The following ADHFE1 variants were observed in gnomAD, a reference collection of about 807,000 sequenced individuals.
The protein encoded by ADHFE1 is hydroxyacid-oxoacid transhydrogenase, mitochondrial.
ADHFE1 carries 37 observed loss-of-function variants against 54.8 expected under a neutral mutation model. The observed-to-expected ratio is 0.68, with a 90% CI of 0.52 to 0.89. The LOEUF (loss-of-function observed/expected upper bound fraction) is 0.89, where lower values mean the gene tolerates loss of function less well. Among genes scored for constraint, ADHFE1 ranks in the 40% least tolerant of loss-of-function variants. ADHFE1 has a pLI of 0.00. For missense variants in ADHFE1, 601 were observed against 591.2 expected, an observed-to-expected ratio of 1.02 and a Z score of -0.17; for synonymous variants, 203 against 229.3, an observed-to-expected ratio of 0.89 and a Z score of 1.04.
In ADHFE1 at chr8:66,456,972, G is replaced by A. The variant is rs144017423; in HGVS notation, c.1065+77G>A. ...TCCATAAATATATTTGCCAATTCTC[G>A]CCTGCTTAGAGTATGGGGTAAAGTA... On this transcript the variant is annotated intron_variant, in intron 11 of 13. Transcript: ENST00000396623. 1.8e-4 allele frequency: 258 copies of A among 1,464,346 alleles called. 2 individuals carry two copies. The highest frequency in any genetic ancestry group is 1.3e-3 in the Middle Eastern group (6 of 4,454). 90.7% of individuals were successfully genotyped at this position (1,464,346 alleles called of 1,614,324 possible).
chr8:66,445,968 G>A (rs1432424609), intron 6 of ADHFE1, among the ~76,000 whole-genome samples: 1 of 152,140 alleles, frequency 6.6e-6, no homozygotes, highest in African/African-American at 2.4e-5. Context: ...TGTTCCACAG[G>A]GGACCTTGAG....
At chr8:66,445,117 CA>C (rs755860044) in intron 5 of ADHFE1, 100 bp from the exon 6 acceptor site, 93 of 1,160,864 alleles carry the variant, frequency 8.0e-5, no homozygotes, top group Admixed American at 5.1e-4. Flanking sequence ...AAAACAAAAA[CA>C]AAAAAAACCC....
chr8:66,455,735 C>T (rs143401725), intron 10 of ADHFE1, among the ~76,000 whole-genome samples: 1,986 of 152,294 alleles, frequency 0.013, 48 homozygotes, highest in African/African-American at 0.044. Context: ...ACCTGGACAA[C>T]ATGGTGAAAC....
intron 9 of ADHFE1, 142 bp downstream of exon 9, chr8:66,452,247 A>G: frequency 3.3e-6 from 4 of 1,196,442 alleles, no homozygotes; most frequent in Non-Finnish European, 3.4e-6. Context: ...AGCCCCAGAC[A>G]CCAGCAGCCT....
intron 3 of ADHFE1, among the ~76,000 whole-genome samples, chr8:66,443,380 C>T (rs1166442034): frequency 2.0e-5 from 3 of 148,356 alleles, no homozygotes; most frequent in African/African-American, 5.0e-5. Context: ...TGAGTTCAAG[C>T]GATTCTCCTG....
Position 66,456,144 on chromosome 8 carries a change from A to C in ADHFE1, c.987-673A>C, listed in dbSNP as rs992714703. Among the ~76,000 whole-genome samples, 19 of 152,170 alleles carry C rather than the reference A, an allele frequency of 1.2e-4. 2 individuals carry two copies. Among genetic ancestry groups the C allele is most frequent in the Admixed American group, 1.2e-3 (18 of 15,272 alleles). On this transcript the variant is annotated intron_variant, in intron 10 of 13. Transcript: ENST00000396623. ...ACAGAGTGAGATACCATCTCTAAAA[A>C]AAAAAAGAATTTTTCAGTAAAAACA...
intron 9 of ADHFE1, among the ~76,000 whole-genome samples, chr8:66,453,526 C>T (rs971378693): frequency 7.2e-5 from 11 of 152,144 alleles, no homozygotes; most frequent in South Asian, 2.1e-4. Context: ...TGGGGACACC[C>T]AGAGCAAGCT....
At chr8:66,433,886 T>C (rs1305580552) in intron 1 of ADHFE1, among the ~76,000 whole-genome samples, 1 of 152,052 alleles carries the variant, frequency 6.6e-6, no homozygotes, top group African/African-American at 2.4e-5. Context: ...TGTAAACCTG[T>C]GTCATCATAG....
At chr8:66,452,772 A>T (rs1806367140) in intron 9 of ADHFE1, among the ~76,000 whole-genome samples, 1 of 152,274 alleles carries the variant, frequency 6.6e-6, no homozygotes, top group South Asian at 2.1e-4. Flanking sequence ...ATATACATAC[A>T]TGTATAGCCA....
intron 13 of ADHFE1, among the ~76,000 whole-genome samples, chr8:66,466,846 G>A (rs947434253): frequency 6.6e-6 from 1 of 152,174 alleles, no homozygotes; most frequent in Non-Finnish European, 1.5e-5. Context: ...CCTGAGGCAG[G>A]GTCAACGTTA....
chr8:66,444,380 A>G lies in ADHFE1; in HGVS notation c.158A>G (p.Asn53Ser), dbSNP rs1805920769. ...TATTTTTTTCAGATGGCTGTTTCAAATATTAGATATGGAGCAGCAGTTACA... is the reference window on the plus strand; with the variant it reads ...TATTTTTTTCAGATGGCTGTTTCAAGTATTAGATATGGAGCAGCAGTTACA... ...TDYAFEMAVSNIRYGAAVTKE... is the reference protein window; with the variant it reads ...TDYAFEMAVSSIRYGAAVTKE... The change falls in exon 4 of 14, where the codon AAT becomes AGT. Residue 53 changes from asparagine (N) to serine (S), a missense_variant. By Grantham distance (46) the Asn-to-Ser change is conservative. Transcript: ENST00000396623. The G allele has an allele frequency of 3.1e-6, 5 of 1,614,178 alleles. No individual in the cohort carries two copies. The highest frequency in any genetic ancestry group is 1.7e-4 in the Middle Eastern group (1 of 6,060).
chr8:66,442,074 G>A (rs571085278), intron 2 of ADHFE1, among the ~76,000 whole-genome samples: 1 of 151,744 alleles, frequency 6.6e-6, no homozygotes, highest in Admixed American at 6.6e-5. Context: ...TTATCCCTAT[G>A]AATTAAAAAA....
At chr8:66,452,206 G>A in intron 9 of ADHFE1, 101 bp downstream of exon 9, 1 of 1,455,770 alleles carries the variant, frequency 6.9e-7, no homozygotes. Flanking sequence ...GAGCAGGTCT[G>A]TTCCAGAAAA....
chr8:66,467,262 G>C (rs1807244790), intron 13 of ADHFE1, among the ~76,000 whole-genome samples: 1 of 152,158 alleles, frequency 6.6e-6, no homozygotes, highest in Non-Finnish European at 1.5e-5. Context: ...AGGGAAAGGG[G>C]AATCAAGTGT....
intron 2 of ADHFE1, 145 bp from the exon 3 acceptor site, chr8:66,442,653 G>A (rs995883434): frequency 2.0e-5 from 14 of 705,826 alleles, no homozygotes; most frequent in Non-Finnish European, 3.1e-5. Context: ...ATTTTAATTT[G>A]ATGTGCAACA....
chr8:66,460,855 A>G (rs955329734), intron 13 of ADHFE1, among the ~76,000 whole-genome samples: 1 of 152,232 alleles, frequency 6.6e-6, no homozygotes, highest in African/African-American at 2.4e-5. Flanking sequence ...ATTATTTTCC[A>G]TTGTAAAAGA....
intron 11 of ADHFE1, 32 bp from the exon 12 acceptor site, chr8:66,457,038 T>C (rs1318574182): frequency 1.2e-6 from 2 of 1,601,666 alleles, no homozygotes; most frequent in Non-Finnish European, 8.5e-7. Context: ...AGCTTTGTCA[T>C]CTGCCGGTCA....
intron 2 of ADHFE1, among the ~76,000 whole-genome samples, chr8:66,441,290 A>G (rs1450584070): frequency 6.6e-6 from 1 of 152,236 alleles, no homozygotes; most frequent in Non-Finnish European, 1.5e-5. Flanking sequence ...AGGCTGGAGT[A>G]CAGCGGTACA....
intron 1 of ADHFE1, among the ~76,000 whole-genome samples, chr8:66,437,359 G>C (rs1006299117): frequency 6.6e-6 from 1 of 152,148 alleles, no homozygotes; most frequent in African/African-American, 2.4e-5. Flanking sequence ...GTTTTGCTGA[G>C]AGTGTGGCTA....
Sources: allele counts gnomAD v4.1 joint callset (sites outside exome capture counted in the v4.1 genomes callset), GRCh38; gene constraint gnomAD v4.1.1; transcripts MANE v1.5; gene names NCBI Gene and HGNC (gene_info 2026-07-23, HGNC 2026-07-21).